HSD17B4: variants seen among roughly 807,000 people sequenced by gnomAD.
HSD17B4 encodes the protein peroxisomal multifunctional enzyme type 2.
HSD17B4 carries 70 observed loss-of-function variants against 101.0 expected under a neutral mutation model. That is an observed-to-expected ratio of 0.69 (90% CI 0.57 to 0.85). The LOEUF is 0.85. HSD17B4 is among the 40% of genes least tolerant of loss of function. The probability of loss-of-function intolerance (pLI) is 0.00; values close to 1 mark genes in which losing one functional copy is unlikely to be tolerated. For missense variants in HSD17B4, 984 were observed against 892.4 expected (o/e 1.10, Z -1.31); for synonymous variants, 347 against 297.1 (o/e 1.17, Z -1.73).
Position 119,527,216 on chromosome 5 carries a change from C to A in HSD17B4, c.1764C>A (p.Thr588=). The A allele has an allele frequency of 6.3e-7, 1 of 1,589,972 alleles. No individual in the cohort carries two copies. The highest frequency in any genetic ancestry group is 8.6e-7 in the Non-Finnish European group (1 of 1,158,696). The change falls in exon 20 of 24, where the codon ACC becomes ACA. Residue 588 remains threonine, a synonymous_variant. Coordinates refer to ENST00000510025, the MANE Select transcript of HSD17B4 (RefSeq NM_000414.4). ...AAGGAAACAGAATTCATTTTCAAAC[C>A]AAGGTATGAATTTTGCTTTTTCACC... is the stretch of plus-strand genomic sequence containing the variant. ...WKEGNRIHFQ[T]KVQETGDIVI... is the part of the protein sequence containing the mutation.
At chr5:119,516,144 A>G (rs75773931) in intron 17 of HSD17B4, among the ~76,000 whole-genome samples, 4,744 of 152,266 alleles carry the variant, frequency 0.031, 113 homozygotes, top group Non-Finnish European at 0.048. Flanking sequence ...TTTCTGTACC[A>G]TATAATCAGG....
intron 2 of HSD17B4, among the ~76,000 whole-genome samples, chr5:119,460,569 T>C (rs947306782): frequency 1.3e-5 from 2 of 152,180 alleles, no homozygotes; most frequent in Non-Finnish European, 2.9e-5. Flanking sequence ...CATTTGCCAG[T>C]TTTAAAAAAA....
intron 14 of HSD17B4, among the ~76,000 whole-genome samples, chr5:119,504,747 A>G (rs1438882144): frequency 2.0e-5 from 3 of 152,060 alleles, no homozygotes; most frequent in African/African-American, 7.2e-5. Context: ...CTCTGTTCAT[A>G]GTTTAATTAG....
chr5:119,529,838 A>C, intron 20 of HSD17B4, 56 bp from the exon 21 acceptor site: 1 of 1,006,404 alleles, frequency 9.9e-7, no homozygotes, highest in East Asian at 2.4e-5. Flanking sequence ...TTTCACAGTG[A>C]AATTACACTT....
chr5:119,526,284 A>ATATATATATATATG lies in HSD17B4; in HGVS notation c.1680+274_1680+275insGTATATATATATAT, dbSNP rs1554068332. Among the ~76,000 whole-genome samples, 137 of 148,276 alleles carry ATATATATATATATG rather than the reference A, an allele frequency of 9.2e-4. 1 individual carries two copies. Among genetic ancestry groups the ATATATATATATATG allele is most frequent in the Middle Eastern group, 3.5e-3 (1 of 284 alleles). On this transcript the variant is annotated intron_variant, in intron 19 of 23. Transcript: ENST00000510025. ...TATAAATTAATTAGGTGCATATATT[A>ATATATATATATATG]TATATATATATATCAGTACGTATGC...
At chr5:119,494,768 G>C (rs562827938) in intron 11 of HSD17B4, among the ~76,000 whole-genome samples, 2 of 152,154 alleles carry the variant, frequency 1.3e-5, no homozygotes, top group East Asian at 3.9e-4. Flanking sequence ...TTTGGTGTTA[G>C]CATAGTGCTG....
rs143273946 is a variant in HSD17B4, at chr5:119,461,610, A to G, written c.112+5242A>G. On this transcript the variant is annotated intron_variant, in intron 2 of 23. Transcript: ENST00000510025. The stretch of plus-strand genomic sequence containing the variant: ...AATTCCTTGGATCCTGGCTGGGTGC[A>G]GTGGCTCACGCCTGTAATCCCAACA... 5.7e-4 allele frequency among the ~76,000 whole-genome samples: 86 copies of G among 151,896 alleles called. 1 individual carries two copies. The highest frequency in any genetic ancestry group is 7.2e-4 in the African/African-American group (30 of 41,440).
chr5:119,491,494 A>G (rs1412736245), intron 9 of HSD17B4, among the ~76,000 whole-genome samples: 3 of 140,536 alleles, frequency 2.1e-5, no homozygotes, highest in African/African-American at 5.4e-5. Context: ...TTTTTCTTGA[A>G]TGACCTCTAG....
At position 119,496,618 on chromosome 5, in the gene HSD17B4, G is replaced by C; in HGVS notation, c.944G>C (p.Arg315Pro). ...GGAGTTTCAGCAAATCATACTAGTC[G>C]TGCAACGTCTACAGCAACATCAGGA... ...EGGVSANHTSRATSTATSGFA... is the reference protein window; with the variant it reads ...EGGVSANHTSPATSTATSGFA... Residue 315 changes from arginine (R) to proline (P), a missense_variant, in exon 12 of 24, where the codon CGT becomes CCT. Arg to Pro is a moderately radical substitution (Grantham distance 103, BLOSUM62 -2). Coordinates refer to ENST00000510025, the MANE Select transcript of HSD17B4 (RefSeq NM_000414.4). 1 of 1,602,612 alleles carries C rather than the reference G, an allele frequency of 6.2e-7. No homozygotes were observed. The highest frequency in any genetic ancestry group is 8.5e-7 in the Non-Finnish European group (1 of 1,169,646).
intron 16 of HSD17B4, among the ~76,000 whole-genome samples, chr5:119,513,963 A>G (rs1056228790): frequency 6.6e-6 from 1 of 152,238 alleles, no homozygotes; most frequent in Non-Finnish European, 1.5e-5. Context: ...GGCAGCCCTC[A>G]GAATCAAGAC....
In HSD17B4 at chr5:119,499,429, A is replaced by T. The variant is rs1561463473; in HGVS notation, c.1085A>T (p.Lys362Ile). 3.1e-6 allele frequency: 5 copies of T among 1,613,666 alleles called. No homozygotes were observed. The highest frequency in any genetic ancestry group is 1.7e-5 in the Admixed American group (1 of 59,996). Residue 362 changes from lysine to isoleucine, a missense_variant, in exon 13 of 24, where the codon AAA becomes ATA. Transcript: ENST00000510025. ...TCAATCAAGGATCCAAAAGATTTGA[A>T]ATTTATTTATGAAGGAAGTTCTGAT... ...GASIKDPKDL[K>I]FIYEGSSDFS...
At chr5:119,505,484 ATATTT>A (rs1364656210) in intron 14 of HSD17B4, among the ~76,000 whole-genome samples, 1 of 151,958 alleles carries the variant, frequency 6.6e-6, no homozygotes, top group African/African-American at 2.4e-5. Flanking sequence ...GTATTCCTAG[ATATTT>A]TATTTTTTTG....
At chr5:119,502,299 A>T (rs558500814) in intron 14 of HSD17B4, among the ~76,000 whole-genome samples, 43 of 152,280 alleles carry the variant, frequency 2.8e-4, no homozygotes, top group African/African-American at 9.1e-4. Context: ...AGTCTTAAAA[A>T]TTTATTTCAT....
At chr5:119,529,870 T>C in intron 20 of HSD17B4, 24 bp from the exon 21 acceptor site, 2 of 1,207,266 alleles carry the variant, frequency 1.7e-6, no homozygotes, top group Non-Finnish European at 1.2e-6. Flanking sequence ...AGAATAAATC[T>C]TTTTTTTTTC....
intron 1 of HSD17B4, among the ~76,000 whole-genome samples, chr5:119,455,542 T>TTCTCTCTCTCTCTC (rs200829499): frequency 5.7e-5 from 8 of 139,332 alleles, no homozygotes; most frequent in African/African-American, 2.1e-4. Context: ...AAGCAAAACT[T>TTCTCTCTCTCTCTC]TCTCTCTCTC....
intron 14 of HSD17B4, among the ~76,000 whole-genome samples, chr5:119,505,228 G>T (rs1405725120): frequency 6.6e-6 from 1 of 151,414 alleles, no homozygotes. Context: ...TGACTATTCT[G>T]GCTCTTTCTG....
chr5:119,456,888 G>C (rs941844309), intron 2 of HSD17B4, among the ~76,000 whole-genome samples: 1 of 152,314 alleles, frequency 6.6e-6, no homozygotes, highest in Non-Finnish European at 1.5e-5. Context: ...TAAGTGTATT[G>C]ATAAAAGTAA....
At chr5:119,459,517 T>C (rs1367468962) in intron 2 of HSD17B4, among the ~76,000 whole-genome samples, 1 of 152,220 alleles carries the variant, frequency 6.6e-6, no homozygotes, top group African/African-American at 2.4e-5. Context: ...TCTTAGTCTG[T>C]TTTCTGTTGC....
intron 12 of HSD17B4, 76 bp downstream of exon 12, chr5:119,496,722 C>T (rs1328924726): frequency 2.4e-6 from 2 of 822,776 alleles, no homozygotes; most frequent in East Asian, 4.8e-5. Flanking sequence ...TGCTTTCTTC[C>T]TCCCCTACTT....
Sources: gnomAD v4.1 joint callset for allele counts (sites outside exome capture counted in the v4.1 genomes callset) on GRCh38, gnomAD v4.1.1 for gene constraint, MANE v1.5 for transcripts, NCBI Gene and HGNC (gene_info 2026-07-23, HGNC 2026-07-21) for gene names.